Variants in TMEM144 observed in about 807,000 individuals in gnomAD.
TMEM144 encodes the protein transmembrane protein 144.
A neutral mutation model predicts 43.6 loss-of-function variants in TMEM144; 39 were observed. The ratio of observed to expected loss-of-function variants is 0.90; its 90% CI spans 0.69 to 1.17. The LOEUF is 1.17. Ranked by LOEUF, TMEM144 falls within the 50% of genes most tolerant of loss-of-function variation. The pLI is 0.00. For synonymous variants in TMEM144, 154 were observed against 133.6 expected (o/e 1.15, Z -1.06); for missense variants, 417 against 411.9 (o/e 1.01, Z -0.11).
At chr4:158,217,266 T>C (rs951895843) in intron 4 of TMEM144, 55 bp from the exon 5 acceptor site, 5 of 1,244,792 alleles carry the variant, frequency 4.0e-6, no homozygotes, top group Non-Finnish European at 5.7e-6. Context: ...ATTCTATTTA[T>C]AAATGTATTT....
chr4:158,230,276 T>C (rs1016728892), intron 6 of TMEM144, among the ~76,000 whole-genome samples: 2 of 152,126 alleles, frequency 1.3e-5, no homozygotes, highest in African/African-American at 4.8e-5. Flanking sequence ...TAGACCACAC[T>C]GCTTTTCCTT....
chr4:158,221,036 C>T (rs1734482859), intron 6 of TMEM144, among the ~76,000 whole-genome samples: 1 of 152,082 alleles, frequency 6.6e-6, no homozygotes, highest in African/African-American at 2.4e-5. Flanking sequence ...GGGTTGCATT[C>T]GTTTAGGATA....
At chr4:158,223,107 A>G (rs1734585623) in intron 6 of TMEM144, among the ~76,000 whole-genome samples, 1 of 152,272 alleles carries the variant, frequency 6.6e-6, no homozygotes. Flanking sequence ...TGATTTACCT[A>G]TTCTTATGAC....
chr4:158,238,201 G>T (rs1042342283), intron 9 of TMEM144, among the ~76,000 whole-genome samples: 1 of 152,016 alleles, frequency 6.6e-6, no homozygotes, highest in African/African-American at 2.4e-5. Context: ...GTTTACTTTG[G>T]GGATCTACTA....
intron 6 of TMEM144, among the ~76,000 whole-genome samples, chr4:158,219,902 G>A (rs1281921709): frequency 6.6e-6 from 1 of 152,106 alleles, no homozygotes; most frequent in Non-Finnish European, 1.5e-5. Flanking sequence ...TCTTTTGAAT[G>A]CCCATGTTTG....
chr4:158,242,371 A>G (rs1367448104), intron 11 of TMEM144, among the ~76,000 whole-genome samples: 1 of 152,216 alleles, frequency 6.6e-6, no homozygotes, highest in Non-Finnish European at 1.5e-5. Context: ...ATCTACACAC[A>G]GAAGAGTTAG....
At chr4:158,252,834 A>G (rs373059133) in intron 12 of TMEM144, among the ~76,000 whole-genome samples, 54 of 152,058 alleles carry the variant, frequency 3.6e-4, no homozygotes, top group African/African-American at 1.3e-3. Context: ...AAAAAAAGAA[A>G]AAAAAATAGA....
chr4:158,212,321 G>A (rs138257769), intron 2 of TMEM144: 97 of 168,216 alleles, frequency 5.8e-4, no homozygotes, highest in African/African-American at 2.2e-3. Context: ...AGCGTTATCC[G>A]CTAAAACTTT....
At position 158,218,538 on chromosome 4, in the gene TMEM144, T is replaced by G. The variant is rs1325875547; in HGVS notation, c.333-772T>G. Among the ~76,000 whole-genome samples the G allele has an allele frequency of 2.0e-5, 3 of 152,196 alleles. No homozygotes were observed. In the South Asian group the frequency reaches 6.2e-4, roughly 32 times the overall value. ...TTTTCCTTCTTTTCTCCTTTCCTCT[T>G]GCCCCTGGATGGTTCTCAGTGATTC... On this transcript the variant is annotated intron_variant, in intron 5 of 12. Coordinates refer to ENST00000296529, the MANE Select transcript of TMEM144 (RefSeq NM_018342.5).
intron 5 of TMEM144, among the ~76,000 whole-genome samples, chr4:158,218,854 C>T (rs961422297): frequency 6.6e-6 from 1 of 152,214 alleles, no homozygotes; most frequent in South Asian, 2.1e-4. Flanking sequence ...AGGCTGGGCA[C>T]GTTGGCTAAC....
At chr4:158,240,530 T>C in intron 10 of TMEM144, 112 bp downstream of exon 10, 1 of 1,105,152 alleles carries the variant, frequency 9.0e-7, no homozygotes, top group South Asian at 1.7e-5. Context: ...GTATATGTGG[T>C]GTGTGTGTGT....
chr4:158,232,574 C>T (rs575382521), intron 6 of TMEM144, among the ~76,000 whole-genome samples: 4 of 152,186 alleles, frequency 2.6e-5, no homozygotes, highest in African/African-American at 7.2e-5. Context: ...TGAAGTTGGT[C>T]GATATAATAG....
At chr4:158,235,942 T>C (rs1439248211) in intron 8 of TMEM144, among the ~76,000 whole-genome samples, 1 of 152,188 alleles carries the variant, frequency 6.6e-6, no homozygotes, top group East Asian at 1.9e-4. Flanking sequence ...CAGACATTCA[T>C]TGTCAAATAT....
intron 4 of TMEM144, 48 bp from the exon 5 acceptor site, chr4:158,217,273 A>G (rs1734269212): frequency 1.5e-6 from 2 of 1,296,888 alleles, no homozygotes; most frequent in Non-Finnish European, 2.2e-6. Flanking sequence ...TTATAAATGT[A>G]TTTTCTATAT....
intron 7 of TMEM144, chr4:158,234,657 C>A (rs1308844996): frequency 6.6e-6 from 1 of 152,152 alleles, no homozygotes; most frequent in Non-Finnish European, 1.5e-5. Context: ...TAGTACCAAA[C>A]CTATATATAG....
chr4:158,227,539 T>C (rs1404938874), intron 6 of TMEM144, among the ~76,000 whole-genome samples: 1 of 152,078 alleles, frequency 6.6e-6, no homozygotes, highest in Non-Finnish European at 1.5e-5. Flanking sequence ...TATATATATA[T>C]CTCTCTTTCT....
At chr4:158,224,219 G>A (rs1734640792) in intron 6 of TMEM144, among the ~76,000 whole-genome samples, 1 of 152,138 alleles carries the variant, frequency 6.6e-6, no homozygotes, top group Non-Finnish European at 1.5e-5. Context: ...TTGGGGAAGT[G>A]TCTGTTCATA....
intron 8 of TMEM144, among the ~76,000 whole-genome samples, chr4:158,236,125 C>T (rs900035858): frequency 4.6e-5 from 7 of 152,120 alleles, no homozygotes; most frequent in Non-Finnish European, 1.5e-5. Context: ...TTGCATTTTA[C>T]ATTTGATGGC....
chr4:158,232,770 G>A, intron 6 of TMEM144, 131 bp from the exon 7 acceptor site: 1 of 639,948 alleles, frequency 1.6e-6, no homozygotes, highest in Non-Finnish European at 2.7e-6. Flanking sequence ...CCACTGAAGG[G>A]GCAATTTGAA....
Sources: allele counts gnomAD v4.1 joint callset (sites outside exome capture counted in the v4.1 genomes callset), GRCh38; gene constraint gnomAD v4.1.1; transcripts MANE v1.5; gene names NCBI Gene and HGNC (gene_info 2026-07-23, HGNC 2026-07-21).